The following NRXN1 variants were observed in gnomAD, a reference collection of about 807,000 sequenced individuals.
The protein encoded by NRXN1 is neurexin-1.
Under a neutral mutation model 150.9 loss-of-function variants are expected in NRXN1, and 39 were observed. The observed-to-expected ratio is 0.26, with a 90% CI of 0.20 to 0.34. NRXN1 has a LOEUF of 0.34. Ranked by LOEUF, NRXN1 falls within the 10% of genes least tolerant of loss-of-function variation. The pLI is 1.00. For missense variants in NRXN1, 1,815 were observed against 1,949.9 expected, an observed-to-expected ratio of 0.93 and a Z score of 1.30; for synonymous variants, 924 against 757.0, an observed-to-expected ratio of 1.22 and a Z score of -3.62.
At position 51,027,530 on chromosome 2, in the gene NRXN1, G is replaced by T; in HGVS notation, c.744C>A (p.Thr248=). The T allele has an allele frequency of 6.4e-7, 1 of 1,555,536 alleles. No individual in the cohort carries two copies. The highest frequency in any genetic ancestry group is 8.7e-7 in the Non-Finnish European group (1 of 1,146,694). The change falls in exon 2 of 23, where the codon ACC becomes ACA. Residue 248 remains threonine, a synonymous_variant. Coordinates refer to ENST00000401669, the MANE Select transcript of NRXN1 (RefSeq NM_001330078.2). ...DDQAVCDCSR[T]GFRGKDCSQE... ...GGCTGCAGTCCTTGCCGCGGAAGCC[G>T]GTTCGCGAGCAGTCGCACACGGCCT...
intron 17 of NRXN1, among the ~76,000 whole-genome samples, chr2:50,438,895 G>A (rs760966336): frequency 9.9e-5 from 15 of 152,178 alleles, no homozygotes; most frequent in Non-Finnish European, 1.3e-4. Context: ...TGACCACGAT[G>A]CATTCTGTTG....
intron 2 of NRXN1, among the ~76,000 whole-genome samples, chr2:51,024,946 C>A (rs1405372715): frequency 6.6e-6 from 1 of 152,072 alleles, no homozygotes; most frequent in Non-Finnish European, 1.5e-5. Context: ...GATATTTCAT[C>A]TGAATAGAAA....
At chr2:50,981,405 CCAA>C (rs1188518507) in intron 2 of NRXN1, among the ~76,000 whole-genome samples, 2 of 131,910 alleles carry the variant, frequency 1.5e-5, no homozygotes, top group Non-Finnish European at 3.0e-5. Flanking sequence ...TTGCAGTCAG[CCAA>C]GATCGCACCA....
chr2:50,694,887 T>C (rs1341625473), intron 5 of NRXN1, among the ~76,000 whole-genome samples: 4 of 152,170 alleles, frequency 2.6e-5, no homozygotes, highest in African/African-American at 9.7e-5. Context: ...TGCGGGGTAT[T>C]CTCTTGATTG....
chr2:50,700,557 A>G (rs1003608303), intron 5 of NRXN1, among the ~76,000 whole-genome samples: 7 of 152,328 alleles, frequency 4.6e-5, no homozygotes, highest in Middle Eastern at 3.4e-3. Context: ...ACCTTATTGT[A>G]TTAGTAATAA....
intron 2 of NRXN1, among the ~76,000 whole-genome samples, chr2:50,977,728 A>C (rs2104846035): frequency 6.6e-6 from 1 of 151,964 alleles, no homozygotes; most frequent in African/African-American, 2.4e-5. Context: ...TATCTTTCTA[A>C]AAACCAAAGG....
intron 5 of NRXN1, among the ~76,000 whole-genome samples, chr2:50,807,406 G>C (rs1431880692): frequency 6.6e-6 from 1 of 152,044 alleles, no homozygotes; most frequent in African/African-American, 2.4e-5. Context: ...CCCCAAAAGA[G>C]ATTATAACTC....
At chr2:50,940,058 A>G (rs1025838253) in intron 2 of NRXN1, among the ~76,000 whole-genome samples, 1 of 152,230 alleles carries the variant, frequency 6.6e-6, no homozygotes, top group East Asian at 1.9e-4. Flanking sequence ...GACCTACGAA[A>G]TAGAATTATT....
At chr2:50,197,306 A>G (rs2061839716) in intron 18 of NRXN1, among the ~76,000 whole-genome samples, 2 of 152,142 alleles carry the variant, frequency 1.3e-5, no homozygotes, top group Non-Finnish European at 2.9e-5. Context: ...CTGAGAGTCT[A>G]AGAACCATTC....
intron 14 of NRXN1, among the ~76,000 whole-genome samples, chr2:50,496,792 T>C (rs1195794838): frequency 1.3e-5 from 2 of 152,202 alleles, no homozygotes; most frequent in Non-Finnish European, 2.9e-5. Context: ...TATACACCAA[T>C]ATTTGCAGAA....
intron 17 of NRXN1, among the ~76,000 whole-genome samples, chr2:50,310,199 T>C (rs2075059219): frequency 6.6e-6 from 1 of 152,196 alleles, no homozygotes; most frequent in Non-Finnish European, 1.5e-5. Flanking sequence ...TCATAGATTA[T>C]TTTGATCAAA....
chr2:50,144,685 G>A (rs1707757870), intron 18 of NRXN1, among the ~76,000 whole-genome samples: 1 of 151,662 alleles, frequency 6.6e-6, no homozygotes, highest in African/African-American at 2.4e-5. Flanking sequence ...TCATTAAACA[G>A]GGCCAATAAA....
Position 50,740,008 on chromosome 2 carries a change from T to C in NRXN1, c.833-116393A>G, listed in dbSNP as rs149567949. Among the ~76,000 whole-genome samples, 163 of 152,336 alleles carry C rather than the reference T, an allele frequency of 1.1e-3. 1 individual carries two copies. Among genetic ancestry groups the C allele is most frequent in the Non-Finnish European group, 1.8e-3 (125 of 68,040 alleles). The stretch of plus-strand genomic sequence containing the variant: ...ATTTCTCTAAGCTCCTTAGCCTTTA[T>C]ATCACTTCTACTCGTACAAGGGATG... On this transcript the variant is annotated intron_variant, in intron 5 of 22. Coordinates refer to ENST00000401669, the MANE Select transcript of NRXN1 (RefSeq NM_001330078.2).
intron 5 of NRXN1, among the ~76,000 whole-genome samples, chr2:50,834,294 G>A (rs955478809): frequency 6.6e-6 from 1 of 152,002 alleles, no homozygotes; most frequent in African/African-American, 2.4e-5. Flanking sequence ...GGTGAACAAG[G>A]GACAATAATA....
chr2:50,403,995 T>C (rs993679574), intron 17 of NRXN1, among the ~76,000 whole-genome samples: 4 of 152,050 alleles, frequency 2.6e-5, no homozygotes, highest in African/African-American at 4.8e-5. Flanking sequence ...AGTTTCTCTA[T>C]AGATACAATT....
intron 2 of NRXN1, among the ~76,000 whole-genome samples, chr2:51,000,857 G>T (rs867387932): frequency 6.6e-6 from 1 of 151,880 alleles, no homozygotes; most frequent in African/African-American, 2.4e-5. Flanking sequence ...GATGAGAAAT[G>T]ACACAGAAAA....
intron 8 of NRXN1, among the ~76,000 whole-genome samples, chr2:50,580,962 G>A (rs1672173226): frequency 6.6e-6 from 1 of 152,018 alleles, no homozygotes; most frequent in Non-Finnish European, 1.5e-5. Context: ...TTAATCGAAG[G>A]TAATATAACC....
At chr2:50,729,262 G>C (rs976217377) in intron 5 of NRXN1, among the ~76,000 whole-genome samples, 16 of 152,244 alleles carry the variant, frequency 1.1e-4, no homozygotes, top group African/African-American at 3.9e-4. Context: ...CCGAAATTAG[G>C]TTGAATAGCT....
chr2:50,157,740 G>C (rs1022093397), intron 18 of NRXN1, among the ~76,000 whole-genome samples: 1 of 151,996 alleles, frequency 6.6e-6, no homozygotes, highest in African/African-American at 2.4e-5. Context: ...GTCCACCAGC[G>C]TTGGGCAGTC....
Sources: allele counts gnomAD v4.1 joint callset (sites outside exome capture counted in the v4.1 genomes callset), GRCh38; gene constraint gnomAD v4.1.1; transcripts MANE v1.5; gene names NCBI Gene and HGNC (gene_info 2026-07-23, HGNC 2026-07-21).